The following WFDC3 variants were observed in gnomAD, a reference collection of about 807,000 sequenced individuals.
The protein encoded by WFDC3 is WAP four-disulfide core domain 3.
In WFDC3, 15 loss-of-function variants were observed where a neutral mutation model predicts 25.8. That is an observed-to-expected ratio of 0.58 (90% CI 0.39 to 0.89). WFDC3 has a LOEUF of 0.89. Among genes scored for constraint, WFDC3 ranks in the 40% least tolerant of loss-of-function variants. The probability of loss-of-function intolerance (pLI) is 0.00; values close to 1 mark genes in which losing one functional copy is unlikely to be tolerated. For missense variants in WFDC3, 264 were observed against 289.8 expected, an observed-to-expected ratio of 0.91 and a Z score of 0.65; for synonymous variants, 103 against 107.1, an observed-to-expected ratio of 0.96 and a Z score of 0.24.
chr20:45,775,412 C>A lies in WFDC3; in HGVS notation c.679+5G>T. On this transcript the variant is annotated splice_donor_5th_base_variant and intron_variant, in intron 6 of 6. Coordinates refer to ENST00000243938, the MANE Select transcript of WFDC3 (RefSeq NM_080614.2). The stretch of plus-strand genomic sequence containing the variant: ...TTATTGTTGATGACAATGGACTGTA[C>A]TCACCTAATTCGGAATCAGACCTCA... 6.2e-7 allele frequency: 1 copy of A among 1,613,752 alleles called. No individual in the cohort carries two copies. The highest frequency in any genetic ancestry group is 8.5e-7 in the Non-Finnish European group (1 of 1,179,768).
chr20:45,787,714 C>CTTT (rs11086981), intron 4 of WFDC3, 122 bp downstream of exon 4: 155 of 1,023,430 alleles, frequency 1.5e-4, no homozygotes, highest in South Asian at 2.8e-4. Context: ...CTTTGTATAT[C>CTTT]TTTTTTTTTT....
At chr20:45,784,574 T>G (rs571803037) in intron 4 of WFDC3, among the ~76,000 whole-genome samples, 1 of 151,232 alleles carries the variant, frequency 6.6e-6, no homozygotes, top group East Asian at 1.9e-4. Context: ...AAAAGCCGTC[T>G]CTACTAAATA....
intron 3 of WFDC3, chr20:45,788,606 G>C (rs1185231826): frequency 4.8e-6 from 1 of 207,182 alleles, no homozygotes; most frequent in Non-Finnish European, 9.5e-6. Context: ...GCTTAAAAAG[G>C]TCTGCTTGGC....
intron 4 of WFDC3, among the ~76,000 whole-genome samples, chr20:45,784,725 T>C (rs911444952): frequency 6.6e-6 from 1 of 151,790 alleles, no homozygotes; most frequent in Admixed American, 6.6e-5. Flanking sequence ...TGGGCAACAA[T>C]AGCGAAACTC....
At chr20:45,781,276 C>CAG (rs2145684951) in intron 4 of WFDC3, among the ~76,000 whole-genome samples, 1 of 150,182 alleles carries the variant, frequency 6.7e-6, no homozygotes, top group South Asian at 2.1e-4. Context: ...CACACACACA[C>CAG]ACATCATCAT....
At chr20:45,779,488 C>T (rs1399511065) in intron 4 of WFDC3, among the ~76,000 whole-genome samples, 1 of 152,192 alleles carries the variant, frequency 6.6e-6, no homozygotes, top group Non-Finnish European at 1.5e-5. Context: ...TCCTGTGCTA[C>T]TGTGAGATCA....
chr20:45,775,767 C>A (rs1161650648), intron 5 of WFDC3, among the ~76,000 whole-genome samples, 165 bp from the exon 6 acceptor site: 2 of 151,964 alleles, frequency 1.3e-5, no homozygotes, highest in East Asian at 3.9e-4. Context: ...ATCTCAGAAT[C>A]TTTAGGAACC....
Position 45,787,863 on chromosome 20 carries a change from C to T in WFDC3, c.331G>A (p.Val111Ile). The change falls in exon 4 of 7, where the codon GTA becomes ATA. Residue 111 changes from valine to isoleucine, a missense_variant. By Grantham distance (29) the Val-to-Ile change is conservative. Coordinates refer to ENST00000243938, the MANE Select transcript of WFDC3 (RefSeq NM_080614.2). ...AGCTTCTGTTTAGAGATTGGGACTA[C>T]ACAGCTCTTGTTGCAGCCAAGCGTG... ...CCTLGCNKSC[V>I]VPISKQKLAE... is the part of the protein sequence containing the mutation. 6.2e-7 allele frequency: 1 copy of T among 1,613,972 alleles called. No homozygotes were observed. Among genetic ancestry groups the T allele is most frequent in the Non-Finnish European group, 8.5e-7 (1 of 1,179,882 alleles).
intron 1 of WFDC3, among the ~76,000 whole-genome samples, chr20:45,790,260 G>A (rs1287071413): frequency 6.6e-6 from 1 of 152,166 alleles, no homozygotes; most frequent in Non-Finnish European, 1.5e-5. Context: ...AAACCTAGTG[G>A]GTGGCTGGAA....
intron 4 of WFDC3, among the ~76,000 whole-genome samples, chr20:45,780,498 C>T (rs533840073): frequency 3.3e-5 from 5 of 152,192 alleles, no homozygotes; most frequent in Middle Eastern, 3.2e-3. Context: ...ACGATCCTGG[C>T]TTTGCCATGC....
chr20:45,776,246 A>C (rs549585655), intron 5 of WFDC3, among the ~76,000 whole-genome samples: 2 of 151,224 alleles, frequency 1.3e-5, no homozygotes, highest in Non-Finnish European at 2.9e-5. Context: ...TGTTGAAGAA[A>C]AAAAGGCATT....
chr20:45,787,734 G>A, intron 4 of WFDC3, 102 bp downstream of exon 4: 1 of 1,415,574 alleles, frequency 7.1e-7, no homozygotes, highest in Non-Finnish European at 9.5e-7. Flanking sequence ...TAAGGTCTTA[G>A]AATATAGCAG....
chr20:45,784,744 A>G (rs935315614), intron 4 of WFDC3, among the ~76,000 whole-genome samples: 6 of 152,250 alleles, frequency 3.9e-5, no homozygotes, highest in Non-Finnish European at 8.8e-5. Context: ...TCAGTCTCAA[A>G]AAAAAGAAAT....
intron 3 of WFDC3, 112 bp downstream of exon 3, chr20:45,788,819 G>A: frequency 7.0e-7 from 1 of 1,436,424 alleles, no homozygotes. Context: ...AAGTACTCTA[G>A]GCAAGGGAGA....
chr20:45,790,801 G>A, intron 1 of WFDC3: 1 of 409,556 alleles, frequency 2.4e-6, no homozygotes, highest in South Asian at 1.8e-5. Flanking sequence ...AAGAACTAAT[G>A]AAAAGCACCA....
chr20:45,790,527 C>A (rs934002179), intron 1 of WFDC3, among the ~76,000 whole-genome samples: 1 of 152,186 alleles, frequency 6.6e-6, no homozygotes, highest in Non-Finnish European at 1.5e-5. Flanking sequence ...GAGTTTGAGA[C>A]CAGCCTGGCC....
At chr20:45,785,637 A>G (rs1980635954) in intron 4 of WFDC3, among the ~76,000 whole-genome samples, 1 of 152,130 alleles carries the variant, frequency 6.6e-6, no homozygotes, top group African/African-American at 2.4e-5. Flanking sequence ...AGATAATATT[A>G]TAATAAAATA....
intron 4 of WFDC3, among the ~76,000 whole-genome samples, chr20:45,780,100 G>A (rs924507767): frequency 6.5e-5 from 8 of 122,292 alleles, no homozygotes; most frequent in African/African-American, 1.3e-4. Context: ...ACAGGGTCTC[G>A]CTTTGTCACC....
At chr20:45,788,268 C>A in intron 3 of WFDC3, 1 of 198,758 alleles carries the variant, frequency 5.0e-6, no homozygotes, top group African/African-American at 2.3e-5. Context: ...CACGCCACTG[C>A]ATTCTAGTCT....
Sources: allele counts gnomAD v4.1 joint callset (sites outside exome capture counted in the v4.1 genomes callset), GRCh38; gene constraint gnomAD v4.1.1; transcripts MANE v1.5; gene names NCBI Gene and HGNC (gene_info 2026-07-23, HGNC 2026-07-21).